NRCAM: variants seen among roughly 807,000 people sequenced by gnomAD.
NRCAM encodes the protein neuronal cell adhesion molecule, also known as NgCAM-related cell adhesion molecule.
Under a neutral mutation model 156.5 loss-of-function variants are expected in NRCAM, and 83 were observed. The observed-to-expected ratio is 0.53, with a 90% CI of 0.44 to 0.64. The LOEUF (loss-of-function observed/expected upper bound fraction) is 0.64, where lower values mean the gene tolerates loss of function less well. NRCAM is among the 30% of genes least tolerant of loss of function. The pLI is 0.00. For synonymous variants in NRCAM, 538 were observed against 563.9 expected (o/e 0.95, Z 0.65); for missense variants, 1,417 against 1,597.3 (o/e 0.89, Z 1.92).
chr7:108,248,775 A>G (rs2096135456), intron 3 of NRCAM, among the ~76,000 whole-genome samples: 1 of 152,252 alleles, frequency 6.6e-6, no homozygotes. Flanking sequence ...AATGACTCCA[A>G]TCATCAGAGA....
chr7:108,355,027 T>C (rs2099477594), intron 2 of NRCAM, among the ~76,000 whole-genome samples: 1 of 152,158 alleles, frequency 6.6e-6, no homozygotes, highest in African/African-American at 2.4e-5. Flanking sequence ...TGTAGAAAAT[T>C]ATAAACTTTT....
chr7:108,350,698 C>T (rs1217808826), intron 2 of NRCAM, among the ~76,000 whole-genome samples: 1 of 150,390 alleles, frequency 6.6e-6, no homozygotes, highest in African/African-American at 2.4e-5. Flanking sequence ...ATGCTCATCT[C>T]AGAGTTTGTT....
At chr7:108,203,030 G>A (rs2079031248) in intron 13 of NRCAM, among the ~76,000 whole-genome samples, 1 of 152,158 alleles carries the variant, frequency 6.6e-6, no homozygotes, top group Non-Finnish European at 1.5e-5. Context: ...TCTCCAGTGG[G>A]GAAGACCAAG....
chr7:108,304,834 A>C (rs2098691197), intron 3 of NRCAM, among the ~76,000 whole-genome samples: 1 of 152,122 alleles, frequency 6.6e-6, no homozygotes, highest in African/African-American at 2.4e-5. Context: ...GTCTTTCCAT[A>C]CCCTAGATAT....
At chr7:108,188,845 A>G (rs1378996121) in intron 20 of NRCAM, among the ~76,000 whole-genome samples, 1 of 151,646 alleles carries the variant, frequency 6.6e-6, no homozygotes, top group Non-Finnish European at 1.5e-5. Context: ...AGGAGGTGCA[A>G]TAAATCAACA....
intron 1 of NRCAM, among the ~76,000 whole-genome samples, chr7:108,453,196 T>G (rs566864455): frequency 1.3e-5 from 2 of 152,358 alleles, no homozygotes; most frequent in South Asian, 4.1e-4. Flanking sequence ...ACGGAAAAGC[T>G]TCCTGTAGAG....
intron 2 of NRCAM, among the ~76,000 whole-genome samples, chr7:108,372,778 A>G (rs894629010): frequency 6.6e-6 from 1 of 152,160 alleles, no homozygotes; most frequent in African/African-American, 2.4e-5. Context: ...AGTCACTACA[A>G]AAACAGTATG....
chr7:108,177,828 A>T (rs922396227), intron 26 of NRCAM, among the ~76,000 whole-genome samples, 162 bp downstream of exon 26: 3 of 152,052 alleles, frequency 2.0e-5, no homozygotes, highest in African/African-American at 7.3e-5. Flanking sequence ...CAAATAAATG[A>T]TAAATATTTG....
At position 108,209,613 on chromosome 7, in the gene NRCAM, G is replaced by A; in HGVS notation, c.891-8C>T. 6.4e-7 allele frequency: 1 copy of A among 1,565,062 alleles called. No individual in the cohort carries two copies. The highest frequency in any genetic ancestry group is 8.6e-7 in the Non-Finnish European group (1 of 1,161,514). ...TAAATAATTGGGGTAGGCCTGATAGGATAAATAAATAATGATGTTACAAAA... is the reference window on the plus strand; with the variant it reads ...TAAATAATTGGGGTAGGCCTGATAGAATAAATAAATAATGATGTTACAAAA... On this transcript the variant is annotated splice_polypyrimidine_tract_variant and splice_region_variant and intron_variant, in intron 11 of 32. Coordinates refer to ENST00000379028, the MANE Select transcript of NRCAM (RefSeq NM_001037132.4).
intron 1 of NRCAM, among the ~76,000 whole-genome samples, chr7:108,434,994 G>C (rs538638988): frequency 6.7e-6 from 1 of 148,196 alleles, no homozygotes; most frequent in South Asian, 2.1e-4. Context: ...AAAATTACGA[G>C]ACAAGTAAAG....
intron 4 of NRCAM, among the ~76,000 whole-genome samples, chr7:108,237,979 T>C (rs1392156768): frequency 1.3e-5 from 2 of 152,214 alleles, no homozygotes; most frequent in African/African-American, 4.8e-5. Context: ...TTGCAGCAGC[T>C]TTCCCACATA....
intron 30 of NRCAM, among the ~76,000 whole-genome samples, chr7:108,162,842 G>T (rs1472376969): frequency 1.3e-5 from 2 of 152,160 alleles, no homozygotes; most frequent in African/African-American, 4.8e-5. Context: ...ATATAAAACA[G>T]AAACTGTGTA....
intron 3 of NRCAM, among the ~76,000 whole-genome samples, chr7:108,272,870 T>C (rs778232331): frequency 1.3e-5 from 2 of 152,106 alleles, no homozygotes; most frequent in Non-Finnish European, 2.9e-5. Flanking sequence ...GTCATTTAAG[T>C]ATTTCTCCTA....
chr7:108,184,285 C>T lies in NRCAM; in HGVS notation c.2260G>A (p.Glu754Lys), dbSNP rs1208711992. The change falls in exon 22 of 33, where the codon GAA (glutamate) becomes AAA (lysine). Residue 754 changes from glutamate to lysine, a missense_variant. Physicochemically the swap from Glu to Lys is moderately conservative, Grantham distance 56. Transcript: ENST00000379028. ...TTATCAGGCTCTGATCCCAGTCCTT[C>T]CACAGCTGTGGGGTTTTTATCTGGT... ...SEPDKNPTAV[E>K]GLGSEPDNLV... is the part of the protein sequence containing the mutation. The T allele has an allele frequency of 6.2e-7, 1 of 1,614,060 alleles. No homozygotes were observed. Among genetic ancestry groups the T allele is most frequent in the Non-Finnish European group, 8.5e-7 (1 of 1,180,036 alleles).
chr7:108,256,311 T>A (rs1420437111), intron 3 of NRCAM, among the ~76,000 whole-genome samples: 2 of 150,090 alleles, frequency 1.3e-5, no homozygotes, highest in African/African-American at 4.9e-5. Flanking sequence ...ATGCTGTTAA[T>A]CTATAACCTT....
At chr7:108,300,967 T>TA (rs2098598744) in intron 3 of NRCAM, among the ~76,000 whole-genome samples, 1 of 152,116 alleles carries the variant, frequency 6.6e-6, no homozygotes, top group Admixed American at 6.6e-5. Context: ...AAATTTTTGT[T>TA]AAAAATAGTT....
chr7:108,247,445 A>G (rs974721573), intron 3 of NRCAM, among the ~76,000 whole-genome samples: 3 of 152,170 alleles, frequency 2.0e-5, no homozygotes, highest in Admixed American at 2.0e-4. Context: ...GTTTTTCTAG[A>G]TACTTCTCTA....
At chr7:108,368,164 G>A (rs1242178215) in intron 2 of NRCAM, among the ~76,000 whole-genome samples, 3 of 151,146 alleles carry the variant, frequency 2.0e-5, no homozygotes, top group Non-Finnish European at 4.4e-5. Flanking sequence ...ATCCCACTGT[G>A]TTATATTTAG....
At chr7:108,191,879 GC>G (rs1242838219) in intron 17 of NRCAM, 26 bp from the exon 18 acceptor site, 3 of 1,605,098 alleles carry the variant, frequency 1.9e-6, no homozygotes, top group Non-Finnish European at 2.6e-6. Flanking sequence ...ATTCAGAGCA[GC>G]TGAAATGGAC....
Sources: gnomAD v4.1 joint callset for allele counts (sites outside exome capture counted in the v4.1 genomes callset) on GRCh38, gnomAD v4.1.1 for gene constraint, MANE v1.5 for transcripts, NCBI Gene and HGNC (gene_info 2026-07-23, HGNC 2026-07-21) for gene names.